Variants in CADM1 observed in about 807,000 individuals in gnomAD.
CADM1 encodes cell adhesion molecule 1.
A neutral mutation model predicts 53.1 loss-of-function variants in CADM1; 15 were observed. The ratio of observed to expected loss-of-function variants is 0.28; its 90% confidence interval spans 0.19 to 0.44. CADM1 has a LOEUF of 0.44. Ranked by LOEUF, CADM1 falls within the 20% of genes least tolerant of loss-of-function variation. The probability of loss-of-function intolerance (pLI) is 1.00; values close to 1 mark genes in which losing one functional copy is unlikely to be tolerated. For synonymous variants in CADM1, 281 were observed against 243.0 expected (o/e 1.16, Z -1.45); for missense variants, 434 against 611.3 (o/e 0.71, Z 3.06).
chr11:115,485,297 A>G (rs1949349745), intron 1 of CADM1, among the ~76,000 whole-genome samples: 1 of 152,134 alleles, frequency 6.6e-6, no homozygotes, highest in East Asian at 1.9e-4. Context: ...TCTCTGCAGC[A>G]CCCCTTAAGG....
intron 1 of CADM1, among the ~76,000 whole-genome samples, chr11:115,365,575 A>G (rs554816019): frequency 6.6e-6 from 1 of 152,232 alleles, no homozygotes; most frequent in South Asian, 2.1e-4. Flanking sequence ...ATATATATAC[A>G]GATTTAATAT....
chr11:115,209,533 A>G, intron 8 of CADM1, 41 bp downstream of exon 8: 1 of 1,611,394 alleles, frequency 6.2e-7, no homozygotes, highest in Non-Finnish European at 8.5e-7. Flanking sequence ...GAAAGACAAT[A>G]TACATTCAGG....
chr11:115,285,185 T>A (rs1943698980), intron 1 of CADM1, among the ~76,000 whole-genome samples: 1 of 152,232 alleles, frequency 6.6e-6, no homozygotes, highest in Non-Finnish European at 1.5e-5. Flanking sequence ...AGAGTATGAC[T>A]TTACCTTTCA....
chr11:115,459,726 T>C lies in CADM1; in HGVS notation c.124+44545A>G, dbSNP rs559376200. Among the ~76,000 whole-genome samples the C allele has an allele frequency of 7.2e-5, 11 of 152,236 alleles. No individual in the cohort carries two copies. In the East Asian group the frequency reaches 2.1e-3, roughly 29 times the overall value. The stretch of plus-strand genomic sequence containing the variant: ...CACACACAAAGTTAATTCAAAATGG[T>C]TTAGTCACTACTTGCAACCATCTCA... On this transcript the variant is annotated intron_variant, in intron 1 of 11. Transcript: ENST00000331581.
chr11:115,197,431 A>G (rs1330473725), intron 9 of CADM1, among the ~76,000 whole-genome samples: 1 of 88,520 alleles, frequency 1.1e-5, no homozygotes. Flanking sequence ...AATTATTAAA[A>G]TTCAGCCCAG....
At chr11:115,176,930 C>G (rs1939059385) in intron 11 of CADM1, among the ~76,000 whole-genome samples, 1 of 152,140 alleles carries the variant, frequency 6.6e-6, no homozygotes, top group Admixed American at 6.5e-5. Flanking sequence ...CAGTAAACAC[C>G]AATGACCAAT....
intron 1 of CADM1, among the ~76,000 whole-genome samples, chr11:115,492,332 G>C (rs192872): frequency 8.5e-5 from 13 of 152,146 alleles, no homozygotes; most frequent in Admixed American, 8.5e-4. Context: ...GGCAACTATA[G>C]GAAGTTGGGT....
At chr11:115,177,596 A>T (rs1051107257) in intron 11 of CADM1, among the ~76,000 whole-genome samples, 3 of 151,828 alleles carry the variant, frequency 2.0e-5, no homozygotes, top group Admixed American at 2.0e-4. Context: ...AGAGTGACAC[A>T]CATGTTCCCC....
chr11:115,276,350 GA>G (rs1293003225), intron 1 of CADM1, among the ~76,000 whole-genome samples: 1 of 152,180 alleles, frequency 6.6e-6, no homozygotes, highest in Non-Finnish European at 1.5e-5. Flanking sequence ...TTAGGAGGGG[GA>G]AAGTCACATG....
At chr11:115,214,323 C>T (rs1338502268) in intron 7 of CADM1, among the ~76,000 whole-genome samples, 2 of 152,192 alleles carry the variant, frequency 1.3e-5, no homozygotes, top group African/African-American at 4.8e-5. Context: ...TCAGTCATTA[C>T]TTCTAACGTA....
At chr11:115,347,254 C>G (rs1051020505) in intron 1 of CADM1, among the ~76,000 whole-genome samples, 1 of 152,020 alleles carries the variant, frequency 6.6e-6, no homozygotes, top group Admixed American at 6.6e-5. Context: ...TACTAGCCCC[C>G]CCAACTGCTT....
At chr11:115,489,673 G>A (rs1392507539) in intron 1 of CADM1, among the ~76,000 whole-genome samples, 3 of 152,168 alleles carry the variant, frequency 2.0e-5, no homozygotes, top group Non-Finnish European at 4.4e-5. Flanking sequence ...AATGTGTAGC[G>A]GGCATATAGA....
intron 1 of CADM1, among the ~76,000 whole-genome samples, chr11:115,302,102 T>C (rs2135138073): frequency 6.6e-6 from 1 of 151,924 alleles, no homozygotes; most frequent in Non-Finnish European, 1.5e-5. Flanking sequence ...AAATGTTCAT[T>C]ACTACACACG....
intron 1 of CADM1, among the ~76,000 whole-genome samples, chr11:115,343,589 C>G (rs1432124627): frequency 6.6e-6 from 1 of 151,994 alleles, no homozygotes; most frequent in African/African-American, 2.4e-5. Context: ...ATAAATGAAT[C>G]AGCACAATAA....
intron 8 of CADM1, among the ~76,000 whole-genome samples, chr11:115,201,420 T>C (rs1940423549): frequency 6.6e-5 from 10 of 152,202 alleles, no homozygotes; most frequent in Admixed American, 5.9e-4. Flanking sequence ...TCCTTCATAA[T>C]TGCGTTATGA....
rs79299381 is a variant in CADM1, at chr11:115,333,823, G to C, written c.125-93403C>G. On this transcript the variant is annotated intron_variant, in intron 1 of 11. Transcript: ENST00000331581. ...ACAGTAGTTAGCGTATAGGCTCACA[G>C]TCATTTCATCAGAGTGCAGCTGTCC... Among the ~76,000 whole-genome samples the C allele has an allele frequency of 5.2e-3, 798 of 152,186 alleles. 10 individuals are homozygous for C. Among genetic ancestry groups the C allele is most frequent in the African/African-American group, 0.018 (762 of 41,514 alleles).
At chr11:115,307,195 T>A (rs1348488661) in intron 1 of CADM1, among the ~76,000 whole-genome samples, 1 of 152,010 alleles carries the variant, frequency 6.6e-6, no homozygotes, top group Non-Finnish European at 1.5e-5. Flanking sequence ...AGATAGTTGT[T>A]ATAGATATGC....
intron 10 of CADM1, among the ~76,000 whole-genome samples, chr11:115,188,865 T>G (rs1939703561): frequency 6.6e-6 from 1 of 151,560 alleles, no homozygotes; most frequent in African/African-American, 2.4e-5. Context: ...TTTAATAAAT[T>G]TAAACACTAT....
intron 1 of CADM1, among the ~76,000 whole-genome samples, chr11:115,250,078 T>C (rs928303809): frequency 2.0e-5 from 3 of 152,174 alleles, no homozygotes; most frequent in African/African-American, 7.2e-5. Context: ...TAATTTTTTG[T>C]ATTTTTAGTA....
Sources: gnomAD v4.1 joint callset for allele counts (sites outside exome capture counted in the v4.1 genomes callset) on GRCh38, gnomAD v4.1.1 for gene constraint, MANE v1.5 for transcripts, NCBI Gene and HGNC (gene_info 2026-07-23, HGNC 2026-07-21) for gene names.